CHSY3: variants seen among roughly 807,000 people sequenced by gnomAD.
The protein encoded by CHSY3 is N-acetylgalactosaminyl-proteoglycan 3-beta-glucuronosyltransferase 3.
Under a neutral mutation model 67.2 loss-of-function variants are expected in CHSY3, and 35 were observed. The observed-to-expected ratio is 0.52, with a 90% CI of 0.40 to 0.69. The LOEUF (loss-of-function observed/expected upper bound fraction) is 0.69. Among genes scored for constraint, CHSY3 ranks in the 30% least tolerant of loss-of-function variants. The probability of loss-of-function intolerance (pLI) is 0.00; values close to 1 mark genes in which losing one functional copy is unlikely to be tolerated. For synonymous variants in CHSY3, 474 were observed against 434.7 expected, an observed-to-expected ratio of 1.09 and a Z score of -1.12; for missense variants, 1,069 against 1,138.5, an observed-to-expected ratio of 0.94 and a Z score of 0.88.
intron 2 of CHSY3, among the ~76,000 whole-genome samples, chr5:130,067,110 T>A (rs1363526143): frequency 6.6e-6 from 1 of 152,140 alleles, no homozygotes; most frequent in Non-Finnish European, 1.5e-5. Context: ...TGGGAAATAA[T>A]CCTTACTAAA....
intron 2 of CHSY3, among the ~76,000 whole-genome samples, chr5:130,011,123 C>A (rs4835980): frequency 0.94 from 143,447 of 152,252 alleles, 67,686 homozygotes; most frequent in East Asian, 1. Flanking sequence ...AACTCATGCT[C>A]TGAAGCCAGT....
chr5:129,996,693 T>C (rs6872455), intron 2 of CHSY3, among the ~76,000 whole-genome samples: 1 of 152,198 alleles, frequency 6.6e-6, no homozygotes, highest in South Asian at 2.1e-4. Flanking sequence ...AAAGGAGATC[T>C]TATTATCTTT....
At chr5:130,082,530 C>T (rs1032212060) in intron 2 of CHSY3, among the ~76,000 whole-genome samples, 1 of 151,996 alleles carries the variant, frequency 6.6e-6, no homozygotes, top group Non-Finnish European at 1.5e-5. Flanking sequence ...TAATTTTCCT[C>T]TTATATTATT....
At chr5:130,121,443 A>T (rs1258213512) in intron 2 of CHSY3, among the ~76,000 whole-genome samples, 1 of 152,182 alleles carries the variant, frequency 6.6e-6, no homozygotes, top group Non-Finnish European at 1.5e-5. Flanking sequence ...TCCATAGGTA[A>T]ACATTTTTAA....
intron 2 of CHSY3, among the ~76,000 whole-genome samples, chr5:129,972,547 T>C (rs1762673015): frequency 6.6e-6 from 1 of 151,996 alleles, no homozygotes; most frequent in Non-Finnish European, 1.5e-5. Context: ...ATGTCTGTTT[T>C]AGGGACTCTC....
intron 2 of CHSY3, among the ~76,000 whole-genome samples, chr5:129,960,375 CATT>C (rs1262820536): frequency 9.9e-5 from 15 of 151,976 alleles, no homozygotes; most frequent in African/African-American, 3.6e-4. Flanking sequence ...TTAAAATGGT[CATT>C]GAGGTTGGGA....
chr5:130,002,199 A>G (rs545661715), intron 2 of CHSY3: 8 of 259,550 alleles, frequency 3.1e-5, no homozygotes, highest in Admixed American at 2.6e-4. Flanking sequence ...TATGAAGCCT[A>G]TATAGTTAAG....
At chr5:130,027,954 C>T (rs1764597070) in intron 2 of CHSY3, among the ~76,000 whole-genome samples, 1 of 152,144 alleles carries the variant, frequency 6.6e-6, no homozygotes, top group South Asian at 2.1e-4. Flanking sequence ...GCTTTTATAG[C>T]AACATGATTT....
chr5:130,106,003 G>C (rs1767404499), intron 2 of CHSY3, among the ~76,000 whole-genome samples: 1 of 151,304 alleles, frequency 6.6e-6, no homozygotes. Flanking sequence ...TTTGGTTTTT[G>C]TTTCAGATAT....
Position 129,905,411 on chromosome 5 carries a change from C to T in CHSY3, c.582C>T (p.Thr194=). Residue 194 remains threonine, a synonymous_variant, in exon 1 of 3, where the codon ACC becomes ACT. Coordinates refer to ENST00000305031, the MANE Select transcript of CHSY3 (RefSeq NM_175856.5). ...LGSRALAAQR[T]WARFIPGRVE... The stretch of plus-strand genomic sequence containing the variant: ...GCCGCGCGCTGGCCGCGCAGCGGAC[C>T]TGGGCGCGTTTCATCCCGGGCCGCG... The T allele has an allele frequency of 1.9e-6, 3 of 1,609,444 alleles. No homozygotes were observed. The highest frequency in any genetic ancestry group is 1.3e-5 in the African/African-American group (1 of 75,022).
At chr5:130,114,851 C>T (rs1767731854) in intron 2 of CHSY3, among the ~76,000 whole-genome samples, 1 of 152,108 alleles carries the variant, frequency 6.6e-6, no homozygotes, top group South Asian at 2.1e-4. Context: ...TTTCCTGGTA[C>T]CTGTTTCTGT....
intron 2 of CHSY3, among the ~76,000 whole-genome samples, chr5:130,075,181 G>C (rs1766210795): frequency 6.6e-6 from 1 of 151,898 alleles, no homozygotes; most frequent in South Asian, 2.1e-4. Context: ...CTTAGAGAGG[G>C]GTACATCCAA....
intron 2 of CHSY3, among the ~76,000 whole-genome samples, chr5:130,049,584 T>C (rs531485710): frequency 6.6e-6 from 1 of 152,096 alleles, no homozygotes; most frequent in Non-Finnish European, 1.5e-5. Flanking sequence ...GGCTGTCAAC[T>C]ACTCTAGTAA....
intron 2 of CHSY3, among the ~76,000 whole-genome samples, chr5:129,953,489 A>T (rs769619856): frequency 1.3e-5 from 2 of 152,188 alleles, no homozygotes; most frequent in Admixed American, 1.3e-4. Context: ...CTTTGGGTAT[A>T]TACCCAAAAA....
intron 2 of CHSY3, among the ~76,000 whole-genome samples, chr5:130,134,871 T>C (rs1164039942): frequency 6.7e-6 from 1 of 149,138 alleles, no homozygotes; most frequent in African/African-American, 2.5e-5. Context: ...GCTTCATATG[T>C]CTAAAATTGA....
intron 1 of CHSY3, among the ~76,000 whole-genome samples, chr5:129,907,170 A>T (rs1760337924): frequency 6.6e-6 from 1 of 152,186 alleles, no homozygotes; most frequent in Non-Finnish European, 1.5e-5. Flanking sequence ...AACAGCACCT[A>T]CTTCTTTCAT....
At chr5:130,076,920 G>C (rs1331761735) in intron 2 of CHSY3, among the ~76,000 whole-genome samples, 1 of 149,276 alleles carries the variant, frequency 6.7e-6, no homozygotes, top group Non-Finnish European at 1.5e-5. Flanking sequence ...ACACAGGAAG[G>C]GGAACTTCAC....
In CHSY3 at chr5:130,185,766, T is replaced by A. The variant is rs767995342; in HGVS notation, c.2624T>A (p.Val875Asp). 6.2e-7 allele frequency: 1 copy of A among 1,603,166 alleles called. No individual in the cohort carries two copies. The highest frequency in any genetic ancestry group is 8.5e-7 in the Non-Finnish European group (1 of 1,173,048). The change falls in exon 3 of 3, where the codon GTC becomes GAC. Residue 875 changes from valine (V) to aspartate (D), a missense_variant. By Grantham distance (152) the Val-to-Asp change is radical. Transcript: ENST00000305031. ...CTCTGGCTTGAAAAACATTTAGGTG[T>A]CAGGTACAATCGAACTCTCTCCTGA... ...AELWLEKHLG[V>D]RYNRTLS
At chr5:130,167,383 G>T (rs1417876797) in intron 2 of CHSY3, among the ~76,000 whole-genome samples, 1 of 152,080 alleles carries the variant, frequency 6.6e-6, no homozygotes, top group Admixed American at 6.6e-5. Context: ...ATAGCTAATA[G>T]TACCTTGAGA....
Sources: gnomAD v4.1 joint callset for allele counts (sites outside exome capture counted in the v4.1 genomes callset) on GRCh38, gnomAD v4.1.1 for gene constraint, MANE v1.5 for transcripts, NCBI Gene and HGNC (gene_info 2026-07-23, HGNC 2026-07-21) for gene names.